The following DLC1 variants were observed in gnomAD, a reference collection of about 807,000 sequenced individuals.
DLC1 encodes the protein rho GTPase-activating protein 7.
A neutral mutation model predicts 140.3 loss-of-function variants in DLC1; 54 were observed. The ratio of observed to expected loss-of-function variants is 0.38; its 90% confidence interval spans 0.31 to 0.48. The LOEUF (loss-of-function observed/expected upper bound fraction) is 0.48. Ranked by LOEUF, DLC1 falls within the 20% of genes least tolerant of loss-of-function variation. DLC1 has a pLI of 0.96. For synonymous variants in DLC1, 986 were observed against 728.1 expected (o/e 1.35, Z -5.70); for missense variants, 2,536 against 1,907.0 (o/e 1.33, Z -6.14).
intron 2 of DLC1, among the ~76,000 whole-genome samples, chr8:13,479,184 T>C (rs1486819805): frequency 1.3e-4 from 20 of 152,226 alleles, no homozygotes; most frequent in Admixed American, 1.3e-3. Flanking sequence ...GCTCAGTACA[T>C]TTTAAGCACT....
intron 2 of DLC1, among the ~76,000 whole-genome samples, chr8:13,469,955 A>G (rs6994753): frequency 0.32 from 47,935 of 152,046 alleles, 8,008 homozygotes; most frequent in Middle Eastern, 0.42. Flanking sequence ...ATAGCCAGGC[A>G]GGGCAGCTTA....
At position 13,204,418 on chromosome 8, in the gene DLC1, C is replaced by T. The variant is rs879361974; in HGVS notation, c.1349-88761G>A. ...GGTTAAGTACACTATTTCCCTTAGA[C>T]TTTAAAGTCCGCTTTAGTATTTTGC... On this transcript the variant is annotated intron_variant, in intron 5 of 17. Coordinates refer to ENST00000276297, the MANE Select transcript of DLC1 (RefSeq NM_182643.3). Among the ~76,000 whole-genome samples, 26 of 152,298 alleles carry T rather than the reference C, an allele frequency of 1.7e-4. 1 individual carries two copies. The highest frequency in any genetic ancestry group is 6.8e-3 in the Middle Eastern group (2 of 294).
At chr8:13,553,125 A>C (rs35428398) in intron 1 of DLC1, among the ~76,000 whole-genome samples, 18,307 of 147,524 alleles carry the variant, frequency 0.12, 1,321 homozygotes, top group Middle Eastern at 0.21. Context: ...AGCATTGGTC[A>C]CTAGTGTGCT....
intron 1 of DLC1, among the ~76,000 whole-genome samples, chr8:13,597,786 C>A (rs932030960): frequency 6.6e-6 from 1 of 152,066 alleles, no homozygotes; most frequent in African/African-American, 2.4e-5. Flanking sequence ...AAATACATTT[C>A]ATAACTGCAC....
Position 13,353,011 on chromosome 8 carries a change from T to A in DLC1, c.1314+40542A>T, listed in dbSNP as rs535264345. On this transcript the variant is annotated intron_variant, in intron 4 of 17. Coordinates refer to ENST00000276297, the MANE Select transcript of DLC1 (RefSeq NM_182643.3). Reference sequence around the variant, plus strand: ...CTACCATAAATCAATTTTTTATGAATCTTAGCCCTTTTTATTTTAAAATAC... The same window carrying A: ...CTACCATAAATCAATTTTTTATGAAACTTAGCCCTTTTTATTTTAAAATAC... Among the ~76,000 whole-genome samples the A allele has an allele frequency of 6.3e-3, 956 of 152,304 alleles. 15 individuals carry two copies. Among genetic ancestry groups the A allele is most frequent in the South Asian group, 0.047 (229 of 4,824 alleles).
chr8:13,172,371 C>T (rs551758108), intron 5 of DLC1, among the ~76,000 whole-genome samples: 1 of 152,258 alleles, frequency 6.6e-6, no homozygotes, highest in South Asian at 2.1e-4. Flanking sequence ...TATTCAGTAC[C>T]TTGTAGTGCT....
At chr8:13,196,054 T>C (rs953614525) in intron 5 of DLC1, among the ~76,000 whole-genome samples, 3 of 151,698 alleles carry the variant, frequency 2.0e-5, no homozygotes, top group Admixed American at 6.6e-5. Context: ...ATACCATTTA[T>C]ATAAATTAAA....
chr8:13,451,037 C>CAAAAAAA (rs1169620786), intron 2 of DLC1, among the ~76,000 whole-genome samples: 501 of 18,530 alleles, frequency 0.027, 38 homozygotes, highest in East Asian at 0.047. Context: ...GACTCCGTCT[C>CAAAAAAA]AAAAAAAAAA....
intron 8 of DLC1, 121 bp downstream of exon 8, chr8:13,102,669 G>T: frequency 2.3e-6 from 2 of 865,522 alleles, no homozygotes; most frequent in Non-Finnish European, 1.9e-6. Flanking sequence ...CATTCAAGAT[G>T]TAGATGCTTA....
At chr8:13,185,331 G>T in intron 5 of DLC1, among the ~76,000 whole-genome samples, 1 of 129,014 alleles carries the variant, frequency 7.8e-6, no homozygotes. Flanking sequence ...TTTTTGAGAT[G>T]GAGTCTCACT....
chr8:13,492,492 C>T (rs111352514), intron 2 of DLC1, among the ~76,000 whole-genome samples: 2 of 5,868 alleles, frequency 3.4e-4, no homozygotes, highest in Admixed American at 1.8e-3. Context: ...CTATCACTTA[C>T]TCTCTCTGTC....
chr8:13,320,372 A>C (rs1383283488), intron 4 of DLC1, among the ~76,000 whole-genome samples: 1 of 152,180 alleles, frequency 6.6e-6, no homozygotes, highest in East Asian at 1.9e-4. Context: ...GCATAACTCT[A>C]ACCTTTGTAC....
In DLC1 at chr8:13,305,301, G is replaced by A. The variant is rs1328793160; in HGVS notation, c.1316C>T (p.Ala439Val). The A allele has an allele frequency of 2.6e-5, 41 of 1,593,554 alleles. No individual in the cohort carries two copies. Among genetic ancestry groups the A allele is most frequent in the Non-Finnish European group, 3.2e-5 (38 of 1,171,640 alleles). Residue 439 changes from alanine (A) to valine (V), a missense_variant and splice_region_variant, in exon 5 of 18, where the codon GCT (alanine) becomes GTT (valine). Ala to Val is a moderately conservative substitution (Grantham distance 64, BLOSUM62 0). Transcript: ENST00000276297. ...TTCCTTCTCTGAAATACCTTGAATA[G>A]CCTGAAAAAAAAGACACAAAAATTG... ...ANSGTKPKTTAIQGISEKEKA... is the reference protein window; with the variant it reads ...ANSGTKPKTTVIQGISEKEKA...
intron 4 of DLC1, among the ~76,000 whole-genome samples, chr8:13,350,372 T>C (rs953363529): frequency 2.6e-5 from 4 of 152,156 alleles, no homozygotes; most frequent in African/African-American, 9.7e-5. Context: ...CTCTATCTCT[T>C]TTCCAAGACT....
At chr8:13,417,140 G>A (rs977042904) in intron 2 of DLC1, among the ~76,000 whole-genome samples, 4 of 152,108 alleles carry the variant, frequency 2.6e-5, no homozygotes, top group African/African-American at 4.8e-5. Context: ...AAAGCAACAC[G>A]ATGGGATTTT....
At position 13,084,223 on chromosome 8, in the gene DLC1, T is replaced by A. The variant is rs778643857; in HGVS notation, c.*1588A>T. 1 of 152,626 alleles carries A rather than the reference T, an allele frequency of 6.6e-6. No homozygotes were observed. Among genetic ancestry groups the A allele is most frequent in the Non-Finnish European group, 1.5e-5 (1 of 68,046 alleles). The allele number at this position is 152,626 out of a possible 1,614,324, so 9.5% of individuals were successfully genotyped here. On this transcript the variant is annotated 3_prime_UTR_variant, in exon 18 of 18. Transcript: ENST00000276297. ...TACAATCTTACAAATCTGGAAGCCATCAAAATTGAATATCCATGTATATCT... is the reference window on the plus strand; with the variant it reads ...TACAATCTTACAAATCTGGAAGCCAACAAAATTGAATATCCATGTATATCT...
intron 5 of DLC1, among the ~76,000 whole-genome samples, chr8:13,164,626 G>C (rs955183917): frequency 6.6e-6 from 1 of 152,092 alleles, no homozygotes; most frequent in African/African-American, 2.4e-5. Flanking sequence ...TGTGTGAATT[G>C]GTACAAAAAC....
chr8:13,502,069 A>G (rs1264924903), intron 1 of DLC1, among the ~76,000 whole-genome samples: 1 of 152,188 alleles, frequency 6.6e-6, no homozygotes, highest in East Asian at 1.9e-4. Context: ...CATTTCTTTT[A>G]CTAAGAAGAA....
chr8:13,184,445 A>G (rs1290630309), intron 5 of DLC1, among the ~76,000 whole-genome samples: 1 of 152,146 alleles, frequency 6.6e-6, no homozygotes, highest in Admixed American at 6.5e-5. Context: ...TAGTGCTAGA[A>G]ATTTCCCTCT....
Sources: allele counts gnomAD v4.1 joint callset (sites outside exome capture counted in the v4.1 genomes callset), GRCh38; gene constraint gnomAD v4.1.1; transcripts MANE v1.5; gene names NCBI Gene and HGNC (gene_info 2026-07-23, HGNC 2026-07-21).